Variants in ATRN observed in about 807,000 individuals in gnomAD.
The protein encoded by ATRN is attractin-2.
Under a neutral mutation model 178.7 loss-of-function variants are expected in ATRN, and 54 were observed. The observed-to-expected ratio is 0.30, with a 90% CI of 0.24 to 0.38. The LOEUF (loss-of-function observed/expected upper bound fraction) is 0.38, where lower values mean the gene tolerates loss of function less well. ATRN is among the 10% of genes least tolerant of loss of function. The probability of loss-of-function intolerance (pLI) is 1.00; values close to 1 mark genes in which losing one functional copy is unlikely to be tolerated. For missense variants in ATRN, 1,443 were observed against 1,815.1 expected (o/e 0.79, Z 3.73); for synonymous variants, 636 against 663.0 (o/e 0.96, Z 0.63).
intron 1 of ATRN, among the ~76,000 whole-genome samples, chr20:3,516,520 A>G (rs914936701): frequency 8.5e-5 from 13 of 152,200 alleles, no homozygotes; most frequent in Non-Finnish European, 1.8e-4. Context: ...AAAATTGTTC[A>G]TTTTAGAATT....
At chr20:3,476,609 A>C (rs1245100359) in intron 1 of ATRN, among the ~76,000 whole-genome samples, 1 of 152,264 alleles carries the variant, frequency 6.6e-6, no homozygotes, top group Non-Finnish European at 1.5e-5. Flanking sequence ...CTGTAATCCC[A>C]GCACTTTGGG....
rs745509474 is a variant in ATRN, at chr20:3,582,281, A to T, written c.2691A>T (p.Ser897=). 6.2e-7 allele frequency: 1 copy of T among 1,613,152 alleles called. No homozygotes were observed. The highest frequency in any genetic ancestry group is 1.9e-4 in the Middle Eastern group (1 of 5,186). Residue 897 remains serine (S), a synonymous_variant, in exon 16 of 29, where the codon TCA becomes TCT. Transcript: ENST00000262919. ...PSDAGFCGIL[S]EPSTRGLKAA... ...ATGCTGGATTCTGTGGAATTTTATCAGAACCCAGTACTCGGGGACTGAAGG... is the reference window on the plus strand; with the variant it reads ...ATGCTGGATTCTGTGGAATTTTATCTGAACCCAGTACTCGGGGACTGAAGG...
At chr20:3,515,150 C>T (rs2085189712) in intron 1 of ATRN, among the ~76,000 whole-genome samples, 1 of 151,766 alleles carries the variant, frequency 6.6e-6, no homozygotes, top group Non-Finnish European at 1.5e-5. Context: ...TGCAGTAAGG[C>T]AAGAAAAGTA....
chr20:3,473,394 G>C (rs1436517749), intron 1 of ATRN, among the ~76,000 whole-genome samples: 1 of 152,110 alleles, frequency 6.6e-6, no homozygotes, highest in African/African-American at 2.4e-5. Context: ...CAGAGGCTTG[G>C]GGTTGAAGCG....
At position 3,471,319 on chromosome 20, in the gene ATRN, C is replaced by CGCTGCTGCT; in HGVS notation, c.224_232dup (p.Leu75_Leu77dup). On this transcript the variant is annotated inframe_insertion, in exon 1 of 29. Coordinates refer to ENST00000262919, the MANE Select transcript of ATRN (RefSeq NM_139321.3). ...CTGCTGCTGTTGTTGCTCTCGCCGCCGCTGCTGCTGCTGCTGCTGCCCTGT... is the reference window on the plus strand; with the variant it reads ...CTGCTGCTGTTGTTGCTCTCGCCGCCGCTGCTGCTGCTGCTGCTGCTGCTGCTGCCCTGT... The CGCTGCTGCT allele has an allele frequency of 1.4e-6, 2 of 1,481,210 alleles. No homozygotes were observed. Among genetic ancestry groups the CGCTGCTGCT allele is most frequent in the Non-Finnish European group, 1.8e-6 (2 of 1,124,618 alleles). 91.8% of individuals were successfully genotyped at this position (1,481,210 alleles called of 1,614,324 possible). A position where few individuals can be genotyped will look rare whatever the true frequency, so the allele number is the denominator to read the frequency against.
At chr20:3,534,126 A>G (rs1434757807) in intron 1 of ATRN, among the ~76,000 whole-genome samples, 1 of 152,224 alleles carries the variant, frequency 6.6e-6, no homozygotes, top group African/African-American at 2.4e-5. Flanking sequence ...CAAGAACATC[A>G]GGGAGTTTGC....
At chr20:3,595,688 C>A (rs938544972) in intron 20 of ATRN, among the ~76,000 whole-genome samples, 1 of 152,194 alleles carries the variant, frequency 6.6e-6, no homozygotes, top group East Asian at 1.9e-4. Flanking sequence ...CCTTCGAGAT[C>A]GCAGATGTAG....
At chr20:3,634,242 A>C (rs2087009403) in intron 25 of ATRN, 69 bp from the exon 26 acceptor site, 1 of 1,456,018 alleles carries the variant, frequency 6.9e-7, no homozygotes, top group African/African-American at 1.4e-5. Context: ...GCCTGGCCTG[A>C]GGTGTGGGCA....
At chr20:3,540,780 G>T (rs117177093) in intron 3 of ATRN, among the ~76,000 whole-genome samples, 2,579 of 152,270 alleles carry the variant, frequency 0.017, 39 homozygotes, top group Non-Finnish European at 0.027. Flanking sequence ...GTGTGCGTGT[G>T]TGTGTGTGTA....
intron 1 of ATRN, among the ~76,000 whole-genome samples, chr20:3,532,092 C>A (rs1436768270): frequency 1.3e-5 from 2 of 152,142 alleles, no homozygotes; most frequent in African/African-American, 4.8e-5. Flanking sequence ...GAGCTTGCCA[C>A]TGCACTCCAG....
At chr20:3,612,638 A>G (rs2086782291) in intron 24 of ATRN, among the ~76,000 whole-genome samples, 2 of 152,208 alleles carry the variant, frequency 1.3e-5, no homozygotes, top group African/African-American at 4.8e-5. Flanking sequence ...ATCTCCTGAC[A>G]CTATTAAGAT....
chr20:3,624,722 G>A, intron 25 of ATRN, 150 bp downstream of exon 25: 1 of 689,214 alleles, frequency 1.5e-6, no homozygotes, highest in Non-Finnish European at 2.4e-6. Context: ...AAAGTTAGAT[G>A]TCAGTTACAG....
chr20:3,600,831 A>C (rs2086598023), intron 22 of ATRN, 115 bp from the exon 23 acceptor site: 1 of 1,007,512 alleles, frequency 9.9e-7, no homozygotes, highest in East Asian at 2.7e-5. Flanking sequence ...GTTTCTCTAA[A>C]GACATCATAA....
intron 14 of ATRN, among the ~76,000 whole-genome samples, chr20:3,578,086 C>G (rs1249532062): frequency 6.6e-6 from 1 of 152,204 alleles, no homozygotes; most frequent in Non-Finnish European, 1.5e-5. Flanking sequence ...GAAGGACCTT[C>G]TCACCTTGCT....
intron 12 of ATRN, 47 bp from the exon 13 acceptor site, chr20:3,575,780 G>T (rs1329154329): frequency 1.9e-6 from 3 of 1,538,860 alleles, no homozygotes; most frequent in South Asian, 1.3e-5. Context: ...CTCAGATTTT[G>T]CTCAATTGAA....
rs386393128 is a variant in ATRN, at chr20:3,588,981, G to GTTTTTTTTTTTTTT, written c.3185-2182_3185-2169dup. On this transcript the variant is annotated intron_variant, in intron 18 of 28. Coordinates refer to ENST00000262919, the MANE Select transcript of ATRN (RefSeq NM_139321.3). ...CATACAGTTCGTAGTATTTTCTTTT[G>GTTTTTTTTTTTTTT]TTTTTTTTTTTTTTTTTTTGAGACA... Among the ~76,000 whole-genome samples, 25 of 99,766 alleles carry GTTTTTTTTTTTTTT rather than the reference G, an allele frequency of 2.5e-4. 2 individuals are homozygous for GTTTTTTTTTTTTTT. Among genetic ancestry groups the GTTTTTTTTTTTTTT allele is most frequent in the East Asian group, 6.9e-4 (2 of 2,882 alleles). The allele number at this position is 99,766 out of a possible 152,430, so 65.5% of individuals were successfully genotyped here. A position where few individuals can be genotyped will look rare whatever the true frequency, so the allele number is the denominator to read the frequency against.
chr20:3,580,271 G>T (rs998868369), intron 15 of ATRN, among the ~76,000 whole-genome samples: 1 of 152,178 alleles, frequency 6.6e-6, no homozygotes, highest in Admixed American at 6.5e-5. Context: ...CGAGTCCACA[G>T]AAGTTAAAAG....
chr20:3,638,962 T>C lies in ATRN; in HGVS notation c.4050+27T>C. The C allele has an allele frequency of 6.3e-7, 1 of 1,586,700 alleles. No individual in the cohort carries two copies. The highest frequency in any genetic ancestry group is 8.6e-7 in the Non-Finnish European group (1 of 1,162,170). ...TGAGAATGTGACTCAGAAGTCCCTA[T>C]AACTTGACTTTTTAAAACTTAGGCT... On this transcript the variant is annotated intron_variant, in intron 27 of 28. Transcript: ENST00000262919. This position sits in a 1 kb window ranked among gnomAD's most constrained non-coding sequence, Gnocchi z 4.5.
At chr20:3,507,855 G>C (rs532303252) in intron 1 of ATRN, among the ~76,000 whole-genome samples, 1 of 151,838 alleles carries the variant, frequency 6.6e-6, no homozygotes, top group South Asian at 2.1e-4. Flanking sequence ...GCTAATTTTT[G>C]TATTTTTAGT....
Sources: gnomAD v4.1 joint callset for allele counts (sites outside exome capture counted in the v4.1 genomes callset) on GRCh38, gnomAD v4.1.1 for gene constraint, Gnocchi (gnomAD v3.1) non-coding constraint, MANE v1.5 for transcripts, NCBI Gene and HGNC (gene_info 2026-07-23, HGNC 2026-07-21) for gene names.